The following RYR1 variants were observed in gnomAD, a reference collection of about 807,000 sequenced individuals.
The protein encoded by RYR1 is central core disease of muscle.
In RYR1, 342 loss-of-function variants were observed where a neutral mutation model predicts 583.5. That is an observed-to-expected ratio of 0.59 (90% confidence interval 0.54 to 0.64). The LOEUF (loss-of-function observed/expected upper bound fraction) is 0.64. Among genes scored for constraint, RYR1 ranks in the 30% least tolerant of loss-of-function variants. The pLI is 0.00. For missense variants in RYR1, 6,032 were observed against 6,917.2 expected (o/e 0.87, Z 4.54); for synonymous variants, 2,791 against 2,822.5 (o/e 0.99, Z 0.35).
rs2145689666 is a variant in RYR1, at chr19:38,519,447, A to G, written c.10252A>G (p.Asn3418Asp). 7 of 1,596,148 alleles carry G rather than the reference A, an allele frequency of 4.4e-6. No individual in the cohort carries two copies. Among genetic ancestry groups the G allele is most frequent in the Non-Finnish European group, 6.0e-6 (7 of 1,172,438 alleles). ...LYPLLIRYVDNNRAQWLTEPN... is the reference protein window; with the variant it reads ...LYPLLIRYVDDNRAQWLTEPN... ...TCCGCTGCTCATCCGCTACGTGGACAACAACAGGTCAGCGGGGCCCCGCTG... is the reference window on the plus strand; with the variant it reads ...TCCGCTGCTCATCCGCTACGTGGACGACAACAGGTCAGCGGGGCCCCGCTG... Residue 3418 changes from asparagine (N) to aspartate (D), a missense_variant, in exon 67 of 106, where the codon AAC (asparagine) becomes GAC (aspartate). Physicochemically the swap from Asn to Asp is conservative, Grantham distance 23 (BLOSUM62 1). Around this residue, in one of 11 missense-constraint regions of RYR1, gnomAD observed 1,493 missense variants for 1,715.5 expected, o/e 0.87. Coordinates refer to ENST00000359596, the MANE Select transcript of RYR1 (RefSeq NM_000540.3).
At chr19:38,441,130 G>A (rs112299553) in intron 2 of RYR1, among the ~76,000 whole-genome samples, 1 of 151,446 alleles carries the variant, frequency 6.6e-6, no homozygotes. Flanking sequence ...GATCCAGAAC[G>A]TTCCTTGGCA....
chr19:38,474,510 A>C (rs1231754887), intron 28 of RYR1, among the ~76,000 whole-genome samples: 6 of 122,256 alleles, frequency 4.9e-5, no homozygotes, highest in Admixed American at 1.7e-4. Context: ...TGATCCACCC[A>C]CCTCAGCCTC....
chr19:38,579,929 G>T, intron 99 of RYR1, 53 bp from the exon 100 acceptor site: 10 of 1,612,900 alleles, frequency 6.2e-6, no homozygotes, highest in Non-Finnish European at 8.5e-6. Flanking sequence ...CCTCCAGAGT[G>T]CTCCTCGTGT....
intron 18 of RYR1, among the ~76,000 whole-genome samples, 184 bp downstream of exon 18, chr19:38,458,476 A>G (rs1967544436): frequency 6.6e-6 from 1 of 152,154 alleles, no homozygotes; most frequent in African/African-American, 2.4e-5. Flanking sequence ...TCTGACTTGT[A>G]TCCTCGTTAC....
In RYR1 at chr19:38,492,637, G is replaced by A. The variant is rs1226228092; in HGVS notation, c.6274+1G>A. 3.2e-5 allele frequency: 51 copies of A among 1,593,032 alleles called. No individual in the cohort carries two copies. The highest frequency in any genetic ancestry group is 3.9e-5 in the Non-Finnish European group (46 of 1,168,126). ...CGGTCAGCAGAGGAGAGCAAACCCC[G>A]TGAGGACTGGGGTCACTGGGGAGAG... On this transcript the variant is annotated splice_donor_variant, in intron 38 of 105. Coordinates refer to ENST00000359596, the MANE Select transcript of RYR1 (RefSeq NM_000540.3). LOFTEE classifies it high-confidence loss of function.
intron 77 of RYR1, 52 bp downstream of exon 77, chr19:38,532,593 GTGCTTGTC>G: frequency 6.2e-7 from 1 of 1,613,864 alleles, no homozygotes; most frequent in South Asian, 1.1e-5. Flanking sequence ...CCCACCTGCA[GTGCTTGTC>G]CACAAAAAGG....
chr19:38,517,279 G>C, intron 65 of RYR1, 80 bp from the exon 66 acceptor site: 1 of 1,400,062 alleles, frequency 7.1e-7, no homozygotes, highest in Non-Finnish European at 9.9e-7. Context: ...AATGGTGTCT[G>C]ATGTATTGCG....
chr19:38,442,251 A>T, intron 2 of RYR1, 98 bp from the exon 3 acceptor site: 1 of 824,936 alleles, frequency 1.2e-6, no homozygotes, highest in South Asian at 1.4e-5. Context: ...GCGTCTCAAG[A>T]GTGTGGGCAT....
At chr19:38,448,942 C>T (rs1966935211) in intron 11 of RYR1, 129 bp downstream of exon 11, 1 of 895,210 alleles carries the variant, frequency 1.1e-6, no homozygotes, top group South Asian at 1.5e-5. Flanking sequence ...AGATGGGGTG[C>T]AGGAGGGTAC....
At chr19:38,450,180 GAA>G (rs1967003963) in intron 11 of RYR1, among the ~76,000 whole-genome samples, 1 of 152,192 alleles carries the variant, frequency 6.6e-6, no homozygotes, top group Non-Finnish European at 1.5e-5. Context: ...GGAGACCAGA[GAA>G]GAGACTGCCA....
intron 1 of RYR1, 40 bp from the exon 2 acceptor site, chr19:38,440,705 G>T: frequency 6.2e-7 from 1 of 1,601,562 alleles, no homozygotes. Context: ...GTGGTATCCG[G>T]GCCAGGCCCC....
chr19:38,507,072 G>T, intron 57 of RYR1, 120 bp downstream of exon 57: 2 of 1,487,012 alleles, frequency 1.3e-6, no homozygotes, highest in Non-Finnish European at 1.8e-6. Flanking sequence ...AGCAAAGATG[G>T]AACCAGAGGG....
chr19:38,444,793 C>G lies in RYR1; in HGVS notation c.631+116C>G, dbSNP rs1169750058. 1 of 769,932 alleles carries G rather than the reference C, an allele frequency of 1.3e-6. No individual in the cohort carries two copies. 47.7% of individuals were successfully genotyped at this position (769,932 alleles called of 1,614,324 possible). ...ACCTCAGACCTCAAACCTAGATCTC[C>G]AAATTATGGCTCTCACACTTAGATC... On this transcript the variant is annotated intron_variant, in intron 7 of 105. Coordinates refer to ENST00000359596, the MANE Select transcript of RYR1 (RefSeq NM_000540.3). The surrounding 1 kb of genome is among the most constrained non-coding windows in gnomAD (Gnocchi z 5.1).
At chr19:38,522,232 CAT>C (rs1181217280) in intron 67 of RYR1, among the ~76,000 whole-genome samples, 4 of 152,014 alleles carry the variant, frequency 2.6e-5, no homozygotes, top group Admixed American at 1.3e-4. Flanking sequence ...ATGTATGTAT[CAT>C]GTGTGTCTAT....
chr19:38,521,883 AT>A (rs1356446755), intron 67 of RYR1, among the ~76,000 whole-genome samples: 1 of 150,972 alleles, frequency 6.6e-6, no homozygotes, highest in Admixed American at 6.6e-5. Flanking sequence ...ATTTTTTTGT[AT>A]TTTTTAGTAG....
At position 38,466,403 on chromosome 19, in the gene RYR1, G is replaced by A; in HGVS notation, c.3178+5G>A. On this transcript the variant is annotated splice_donor_5th_base_variant and intron_variant, in intron 24 of 105. Transcript: ENST00000359596. ...AGCCTCCTGACCAGGAGCCCAGTGA[G>A]TGCTCACCCCTGGCCCTGGCCCTGA... is the stretch of plus-strand genomic sequence containing the variant. 1 of 1,544,018 alleles carries A rather than the reference G, an allele frequency of 6.5e-7. No individual in the cohort carries two copies. The highest frequency in any genetic ancestry group is 8.7e-7 in the Non-Finnish European group (1 of 1,147,192).
chr19:38,501,951 A>C (rs1479633983), intron 47 of RYR1, among the ~76,000 whole-genome samples: 1 of 152,048 alleles, frequency 6.6e-6, no homozygotes, highest in Non-Finnish European at 1.5e-5. Flanking sequence ...ACATCTCTGC[A>C]TTCCAGCCTG....
chr19:38,504,543 T>C (rs532870975), intron 50 of RYR1, among the ~76,000 whole-genome samples, 183 bp downstream of exon 50: 33 of 152,010 alleles, frequency 2.2e-4, no homozygotes, highest in Non-Finnish European at 4.4e-4. Context: ...GGGGTGGACC[T>C]CTAGTTTGGG....
rs1341482339 is a variant in RYR1 at position 38,561,113 on chromosome 19, G to A, written c.12283G>A (p.Ala4095Thr). 1.2e-6 allele frequency: 2 copies of A among 1,613,736 alleles called. No homozygotes were observed. Residue 4095 changes from alanine to threonine, a missense_variant and splice_region_variant, in exon 90 of 106, where the codon GCC becomes ACC. Transcript: ENST00000359596. This position sits in a 1 kb window ranked among gnomAD's most constrained non-coding sequence, Gnocchi z 4.8. The part of the protein sequence containing the change: ...GLISKKDFQK[A>T]MDSQKQFSGP... ...CACTGACCTCCCTGCCCGCCCCCAG[G>A]CCATGGACAGCCAGAAGCAGTTCAG... is the stretch of plus-strand genomic sequence containing the variant.
Sources: gnomAD v4.1 joint callset for allele counts (sites outside exome capture counted in the v4.1 genomes callset) on GRCh38, gnomAD v4.1.1 for gene constraint, gnomAD v4.1.1 regional missense constraint, Gnocchi (gnomAD v3.1) non-coding constraint, MANE v1.5 for transcripts, NCBI Gene and HGNC (gene_info 2026-07-23, HGNC 2026-07-21) for gene names.